SYTL2: variants seen among roughly 807,000 people sequenced by gnomAD.
The protein encoded by SYTL2 is synaptotagmin like 2, also known as synaptotagmin-like protein 2.
SYTL2 carries 165 observed loss-of-function variants against 198.7 expected under a neutral mutation model. The observed-to-expected ratio is 0.83, with a 90% CI of 0.73 to 0.94. The LOEUF (loss-of-function observed/expected upper bound fraction) is 0.94. Ranked by LOEUF, SYTL2 falls within the 40% of genes least tolerant of loss-of-function variation. The pLI, the probability that SYTL2 is intolerant of heterozygous loss-of-function variation, is 0.00. For synonymous variants in SYTL2, 966 were observed against 917.7 expected, an observed-to-expected ratio of 1.05 and a Z score of -0.95; for missense variants, 2,835 against 2,582.8, an observed-to-expected ratio of 1.10 and a Z score of -2.12.
rs766616461 is a variant in SYTL2 at position 85,745,657 on chromosome 11, A to C, written c.369T>G (p.Asp123Glu). ...LAGVVEEPEE[D>E]AAPASPSSSV... ...CTTACCTCGGGCTTGCTGGTGCTGCATCTTCTTCTGGCTCTTCTACAACGC... is the reference window on the plus strand; with the variant it reads ...CTTACCTCGGGCTTGCTGGTGCTGCCTCTTCTTCTGGCTCTTCTACAACGC... The change falls in exon 4 of 20, where the codon GAT becomes GAG. Residue 123 changes from aspartate to glutamate, a missense_variant. Coordinates refer to ENST00000359152, the MANE Select transcript of SYTL2 (RefSeq NM_206927.4). 6.2e-7 allele frequency: 1 copy of C among 1,613,346 alleles called. No homozygotes were observed. Among genetic ancestry groups the C allele is most frequent in the South Asian group, 1.1e-5 (1 of 91,044 alleles).
chr11:85,852,364 C>CTCTCCCTCTCCCCACGG, the SYTL2 span, among the ~76,000 whole-genome samples: 2 of 151,252 alleles, frequency 1.3e-5, no homozygotes, highest in African/African-American at 2.4e-5. Flanking sequence ...CCCCCTCCCC[C>CTCTCCCTCTCCCCACGG]TCTCCCTCTC....
chr11:85,745,207 G>A (rs1212462812), intron 4 of SYTL2, among the ~76,000 whole-genome samples: 3 of 152,186 alleles, frequency 2.0e-5, no homozygotes, highest in Non-Finnish European at 4.4e-5. Context: ...TTCGGCAATT[G>A]AATTCACATC....
upstream of SYTL2, among the ~76,000 whole-genome samples, chr11:85,811,487 G>T (rs940335848): frequency 1.3e-5 from 2 of 152,188 alleles, no homozygotes; most frequent in Non-Finnish European, 2.9e-5. Context: ...GAGCCCGAGA[G>T]TGTGGAGCAC....
Position 85,745,670 on chromosome 11 carries a change from T to G in SYTL2, c.356A>C (p.Glu119Ala), listed in dbSNP as rs1202466784. ...TGCTGGTGCTGCATCTTCTTCTGGC[T>G]CTTCTACAACGCCAGCCAGCTCTGG... ...LPPELAGVVE[E>A]PEEDAAPASP... The change falls in exon 4 of 20, where the codon GAG becomes GCG. Residue 119 changes from glutamate to alanine, a missense_variant. Coordinates refer to ENST00000359152, the MANE Select transcript of SYTL2 (RefSeq NM_206927.4). 6.2e-7 allele frequency: 1 copy of G among 1,613,858 alleles called. No individual in the cohort carries two copies. The highest frequency in any genetic ancestry group is 1.7e-5 in the Admixed American group (1 of 60,006).
intron 6 of SYTL2, 146 bp from the exon 7 acceptor site, chr11:85,734,888 G>T: frequency 1.4e-6 from 1 of 697,590 alleles, no homozygotes; most frequent in Non-Finnish European, 2.3e-6. Context: ...GGCCTAATGT[G>T]AAAAGCTTTT....
the SYTL2 span, chr11:85,854,602 G>C: frequency 1.3e-5 from 2 of 152,184 alleles, no homozygotes; most frequent in African/African-American, 4.8e-5. Flanking sequence ...CTTATTAAGA[G>C]CTAAAACCAA....
chr11:85,778,462 G>C (rs1470505238), intron 1 of SYTL2, among the ~76,000 whole-genome samples: 3 of 152,218 alleles, frequency 2.0e-5, no homozygotes, highest in African/African-American at 4.8e-5. Context: ...TAATTGCAGA[G>C]TGAATGCAGT....
chr11:85,811,359 G>T (rs915293436), upstream of SYTL2, among the ~76,000 whole-genome samples: 2 of 152,052 alleles, frequency 1.3e-5, no homozygotes, highest in Non-Finnish European at 2.9e-5. Context: ...CTTCTCTCCG[G>T]TTCCTAGCCT....
chr11:85,712,499 T>C lies in SYTL2; in HGVS notation c.5626-1267A>G, dbSNP rs112832173. Among the ~76,000 whole-genome samples, 83 of 152,226 alleles carry C rather than the reference T, an allele frequency of 5.5e-4. 1 individual carries two copies. The highest frequency in any genetic ancestry group is 1.9e-3 in the African/African-American group (78 of 41,524). Reference sequence around the variant, plus strand: ...AACAGATGAGCAAGGCCTGATTGCATTTCCACTTTCTTTAATACCTAGTTC... The same window carrying C: ...AACAGATGAGCAAGGCCTGATTGCACTTCCACTTTCTTTAATACCTAGTTC... On this transcript the variant is annotated intron_variant, in intron 12 of 19. Transcript: ENST00000359152.
chr11:85,844,659 CA>C, the SYTL2 span, among the ~76,000 whole-genome samples: 1 of 152,166 alleles, frequency 6.6e-6, no homozygotes, highest in African/African-American at 2.4e-5. Flanking sequence ...CCAGTCACTG[CA>C]ATCTTGCAAA....
At chr11:85,756,220 C>A (rs1242282241) in intron 2 of SYTL2, among the ~76,000 whole-genome samples, 1 of 152,158 alleles carries the variant, frequency 6.6e-6, no homozygotes, top group African/African-American at 2.4e-5. Context: ...TAGTGACAAT[C>A]CTTCACCTCT....
intron 1 of SYTL2, among the ~76,000 whole-genome samples, chr11:85,760,073 G>T: frequency 6.6e-6 from 1 of 152,186 alleles, no homozygotes. Flanking sequence ...TGTGATGCAA[G>T]CATAGGCTGT....
intron 1 of SYTL2, among the ~76,000 whole-genome samples, chr11:85,774,756 G>A (rs2092422281): frequency 6.6e-6 from 1 of 152,164 alleles, no homozygotes; most frequent in Non-Finnish European, 1.5e-5. Flanking sequence ...GCACTGATCT[G>A]GACAAGAGCT....
At chr11:85,777,141 G>C (rs763960338) in intron 1 of SYTL2, among the ~76,000 whole-genome samples, 1 of 152,228 alleles carries the variant, frequency 6.6e-6, no homozygotes, top group Non-Finnish European at 1.5e-5. Flanking sequence ...TTTCATTGAA[G>C]AAGTGGACAT....
At chr11:85,720,825 G>T in intron 9 of SYTL2, 33 bp downstream of exon 9, 2 of 1,466,592 alleles carry the variant, frequency 1.4e-6, no homozygotes, top group South Asian at 1.1e-5. Flanking sequence ...AGCTTAGATG[G>T]GGCATGAACA....
intron 1 of SYTL2, among the ~76,000 whole-genome samples, chr11:85,802,671 A>C (rs1188870365): frequency 1.3e-5 from 2 of 152,218 alleles, no homozygotes; most frequent in Non-Finnish European, 2.9e-5. Context: ...GGAAGAGAGA[A>C]AGGAAAGGAA....
chr11:85,708,937 C>T (rs1591621823), intron 14 of SYTL2, among the ~76,000 whole-genome samples: 1 of 146,434 alleles, frequency 6.8e-6, no homozygotes, highest in East Asian at 2.0e-4. Context: ...GCTCCGCCTC[C>T]TCGCCATTCT....
chr11:85,736,795 TA>T (rs780330273), intron 5 of SYTL2, among the ~76,000 whole-genome samples, 180 bp from the exon 6 acceptor site: 3 of 152,220 alleles, frequency 2.0e-5, no homozygotes, highest in Non-Finnish European at 4.4e-5. Context: ...ATATGCCATT[TA>T]AAAATTATAT....
At chr11:85,764,331 C>A (rs2092181210) in intron 1 of SYTL2, among the ~76,000 whole-genome samples, 1 of 152,174 alleles carries the variant, frequency 6.6e-6, no homozygotes, top group Non-Finnish European at 1.5e-5. Flanking sequence ...AAGCCCTTTA[C>A]ACATATTTTA....
Sources: allele counts gnomAD v4.1 joint callset (sites outside exome capture counted in the v4.1 genomes callset), GRCh38; gene constraint gnomAD v4.1.1; transcripts MANE v1.5; gene names NCBI Gene and HGNC (gene_info 2026-07-23, HGNC 2026-07-21).